Variants in DCDC1 observed in about 807,000 individuals in gnomAD.
DCDC1 encodes the protein doublecortin domain-containing protein 1.
DCDC1 carries 200 observed loss-of-function variants against 178.3 expected under a neutral mutation model. The ratio of observed to expected loss-of-function variants is 1.12; its 90% CI spans 1.00 to 1.26. The LOEUF (loss-of-function observed/expected upper bound fraction) is 1.26, where lower values mean the gene tolerates loss of function less well. DCDC1 is among the 50% of genes most tolerant of loss of function. The probability of loss-of-function intolerance (pLI) is 0.00; values close to 1 mark genes in which losing one functional copy is unlikely to be tolerated. For missense variants in DCDC1, 1,983 were observed against 1,749.2 expected (o/e 1.13, Z -2.38); for synonymous variants, 690 against 604.8 (o/e 1.14, Z -2.07).
At position 31,102,125 on chromosome 11, in the gene DCDC1, A is replaced by G. The variant is rs186904715; in HGVS notation, c.1983+52T>C. ...ACAAATATTCATTATATATTGGTTG[A>G]GTGTCCAATACATAAAGTGCACCTT... On this transcript the variant is annotated intron_variant, in intron 15 of 38. Coordinates refer to ENST00000684477, the MANE Select transcript of DCDC1 (RefSeq NM_001387274.1). The G allele has an allele frequency of 1.7e-5, 10 of 573,362 alleles. No homozygotes were observed. In the East Asian group the frequency reaches 2.8e-4, roughly 16 times the overall value. 35.5% of individuals were successfully genotyped at this position (573,362 alleles called of 1,614,324 possible). A position where few individuals can be genotyped will look rare whatever the true frequency, so the allele number is the denominator to read the frequency against.
At chr11:30,986,633 T>C (rs1950662798) in intron 20 of DCDC1, among the ~76,000 whole-genome samples, 1 of 152,126 alleles carries the variant, frequency 6.6e-6, no homozygotes, top group Admixed American at 6.6e-5. Context: ...ACCCAGCCAA[T>C]GACTTCTACT....
chr11:31,354,609 G>T (rs888605112), intron 1 of DCDC1, among the ~76,000 whole-genome samples: 2 of 152,202 alleles, frequency 1.3e-5, no homozygotes, highest in Admixed American at 1.3e-4. Context: ...TTCTATGATA[G>T]AATGACAGGT....
chr11:31,368,093 ATAT>A (rs1287397240), intron 1 of DCDC1, among the ~76,000 whole-genome samples: 2 of 152,196 alleles, frequency 1.3e-5, no homozygotes, highest in Non-Finnish European at 2.9e-5. Context: ...TAAGGTCTAG[ATAT>A]TATGTGACAG....
At chr11:31,208,428 CT>C (rs1286138715) in intron 9 of DCDC1, among the ~76,000 whole-genome samples, 3 of 152,170 alleles carry the variant, frequency 2.0e-5, no homozygotes, top group Non-Finnish European at 4.4e-5. Context: ...ATAATTTTCA[CT>C]ATAGAGTTCA....
chr11:31,337,075 C>A (rs1311242824), intron 1 of DCDC1, among the ~76,000 whole-genome samples: 1 of 152,196 alleles, frequency 6.6e-6, no homozygotes, highest in Non-Finnish European at 1.5e-5. Flanking sequence ...TAATTTGGAT[C>A]TTTGTTACTT....
Position 31,341,596 on chromosome 11 carries a change from A to G in DCDC1, c.-124-6032T>C, listed in dbSNP as rs1173921050. ...GATTGGTCCTAGGCTACAAACCTGT[A>G]CAGCATGTAACTGTGTAGAACACCG... On this transcript the variant is annotated intron_variant, in intron 1 of 38. Transcript: ENST00000684477. 2.0e-5 allele frequency among the ~76,000 whole-genome samples: 3 copies of G among 152,194 alleles called. No individual in the cohort carries two copies. In the East Asian group the frequency reaches 5.8e-4, roughly 29 times the overall value.
chr11:30,976,944 G>A (rs1172387975), intron 20 of DCDC1, among the ~76,000 whole-genome samples: 2 of 152,108 alleles, frequency 1.3e-5, no homozygotes, highest in African/African-American at 4.8e-5. Context: ...GCTTCCATCA[G>A]TGGACAAATC....
intron 38 of DCDC1, among the ~76,000 whole-genome samples, chr11:30,865,613 C>T (rs531440176): frequency 7.2e-5 from 11 of 152,082 alleles, no homozygotes; most frequent in East Asian, 1.9e-4. Flanking sequence ...TAAGACTGAC[C>T]GGAAATCTGA....
At chr11:31,167,617 C>T (rs981709521) in intron 9 of DCDC1, among the ~76,000 whole-genome samples, 13 of 152,146 alleles carry the variant, frequency 8.5e-5, no homozygotes, top group African/African-American at 3.1e-4. Flanking sequence ...ATAATCTAAT[C>T]CTTCTATTTT....
chr11:31,285,187 C>T (rs995643436), intron 7 of DCDC1, among the ~76,000 whole-genome samples: 6 of 151,994 alleles, frequency 3.9e-5, no homozygotes, highest in South Asian at 2.1e-4. Context: ...AGGCAACTGG[C>T]TATTCATAGA....
chr11:30,913,617 C>A (rs1309663327), intron 27 of DCDC1, among the ~76,000 whole-genome samples: 4 of 152,124 alleles, frequency 2.6e-5, no homozygotes, highest in Non-Finnish European at 5.9e-5. Context: ...ACATGAGGAG[C>A]TCCCAAGATG....
At chr11:31,016,015 T>C (rs560702156) in intron 20 of DCDC1, among the ~76,000 whole-genome samples, 4 of 152,100 alleles carry the variant, frequency 2.6e-5, no homozygotes, top group East Asian at 1.9e-4. Context: ...TATCTAGAGA[T>C]TGAGGATTTA....
At chr11:31,158,249 C>T (rs974115369) in intron 9 of DCDC1, among the ~76,000 whole-genome samples, 3 of 151,932 alleles carry the variant, frequency 2.0e-5, no homozygotes, top group Admixed American at 6.5e-5. Context: ...GCTGGGACTA[C>T]AGGCACCCGC....
intron 9 of DCDC1, among the ~76,000 whole-genome samples, chr11:31,146,542 T>C (rs551122404): frequency 6.6e-6 from 1 of 152,294 alleles, no homozygotes; most frequent in Non-Finnish European, 1.5e-5. Context: ...TGTGCTGCCC[T>C]TTGGAATGTA....
intron 20 of DCDC1, among the ~76,000 whole-genome samples, chr11:31,055,974 C>A (rs1389953257): frequency 6.6e-6 from 1 of 151,964 alleles, no homozygotes; most frequent in Non-Finnish European, 1.5e-5. Context: ...TAACTAAATA[C>A]CACCTGTACC....
chr11:31,127,588 G>T lies in DCDC1; in HGVS notation c.1366C>A (p.His456Asn). 1 of 702,644 alleles carries T rather than the reference G, an allele frequency of 1.4e-6. No homozygotes were observed. Among genetic ancestry groups the T allele is most frequent in the Non-Finnish European group, 2.6e-6 (1 of 384,770 alleles). 43.5% of individuals were successfully genotyped at this position (702,644 alleles called of 1,614,324 possible). A position where few individuals can be genotyped will look rare whatever the true frequency, so the allele number is the denominator to read the frequency against. The change falls in exon 11 of 39, where the codon CAT becomes AAT. Residue 456 changes from histidine to asparagine, a missense_variant. Coordinates refer to ENST00000684477, the MANE Select transcript of DCDC1 (RefSeq NM_001387274.1). ...LQTAIKSNIG[H>N]LCKLGPQLQA... ...AATTGGGGGCCAAGTTTACAGAGATGACCTATGTTACTTTTGATAGCTGTC... is the reference window on the plus strand; with the variant it reads ...AATTGGGGGCCAAGTTTACAGAGATTACCTATGTTACTTTTGATAGCTGTC...
At chr11:31,022,741 CGT>C (rs143601035) in intron 20 of DCDC1, among the ~76,000 whole-genome samples, 34 of 127,372 alleles carry the variant, frequency 2.7e-4, no homozygotes, top group South Asian at 5.4e-4. Context: ...ATAAATTATT[CGT>C]GTGTGTGTGT....
chr11:30,984,821 C>T (rs290071), intron 20 of DCDC1, among the ~76,000 whole-genome samples: 132,669 of 152,180 alleles, frequency 0.87, 58,283 homozygotes, highest in East Asian at 1. Context: ...CAGGGGGAAC[C>T]GCTTCCACAT....
chr11:31,220,484 G>A (rs1273241386), intron 9 of DCDC1, among the ~76,000 whole-genome samples: 1 of 152,088 alleles, frequency 6.6e-6, no homozygotes, highest in African/African-American at 2.4e-5. Flanking sequence ...TTTGAGCAAG[G>A]CAGTATTGCT....
Sources: gnomAD v4.1 joint callset for allele counts (sites outside exome capture counted in the v4.1 genomes callset) on GRCh38, gnomAD v4.1.1 for gene constraint, MANE v1.5 for transcripts, NCBI Gene and HGNC (gene_info 2026-07-23, HGNC 2026-07-21) for gene names.